CHRM3: variants seen among roughly 807,000 people sequenced by gnomAD.
The protein encoded by CHRM3 is cholinergic receptor muscarinic 3.
In CHRM3, 11 loss-of-function variants were observed where a neutral mutation model predicts 41.8. The observed-to-expected ratio is 0.26, with a 90% CI of 0.17 to 0.44. The LOEUF is 0.44. CHRM3 is among the 20% of genes least tolerant of loss of function. CHRM3 has a pLI of 1.00. For synonymous variants in CHRM3, 297 were observed against 301.4 expected, an observed-to-expected ratio of 0.99 and a Z score of 0.15; for missense variants, 571 against 745.4, an observed-to-expected ratio of 0.77 and a Z score of 2.72.
rs546161625 is a variant in CHRM3 at position 239,782,852 on chromosome 1, C to T, written c.-146-44400C>T. ...TCAAAATATTCCAAATTTCTTTTTG[C>T]GATTTCTTCTTTGACACATATATTA... On this transcript the variant is annotated intron_variant, in intron 5 of 6. Transcript: ENST00000676153. Among the ~76,000 whole-genome samples the T allele has an allele frequency of 3.3e-5, 5 of 152,116 alleles. No individual in the cohort carries two copies. In the East Asian group the frequency reaches 9.7e-4, roughly 29 times the overall value.
chr1:239,387,725 G>A lies in CHRM3; in HGVS notation c.-521+498G>A, dbSNP rs1033681446. 1.3e-5 allele frequency among the ~76,000 whole-genome samples: 2 copies of A among 152,144 alleles called. No individual in the cohort carries two copies. Among genetic ancestry groups the A allele is most frequent in the Non-Finnish European group, 2.9e-5 (2 of 68,034 alleles). On this transcript the variant is annotated intron_variant, in intron 1 of 6. Coordinates refer to ENST00000676153, the MANE Select transcript of CHRM3 (RefSeq NM_001375978.1). The surrounding 1 kb of genome is among the most constrained non-coding windows in gnomAD (Gnocchi z 5.1). ...TTGGTTTCCTGTCATTTCTAAGAAG[G>A]CTAAAGCTGGCACCCGCCAACCTCG...
At chr1:239,876,586 A>G (rs546533413) in intron 6 of CHRM3, among the ~76,000 whole-genome samples, 4 of 152,158 alleles carry the variant, frequency 2.6e-5, no homozygotes, top group Admixed American at 6.5e-5. Flanking sequence ...ATAGATATAC[A>G]TCTCCACTGT....
chr1:239,896,745 T>C, intron 6 of CHRM3, among the ~76,000 whole-genome samples: 1 of 152,184 alleles, frequency 6.6e-6, no homozygotes, highest in East Asian at 1.9e-4. Context: ...TTTATCAGCA[T>C]TGATAGCGTC....
chr1:239,817,819 C>T (rs1437009910), intron 5 of CHRM3, among the ~76,000 whole-genome samples: 3 of 152,128 alleles, frequency 2.0e-5, no homozygotes, highest in African/African-American at 7.2e-5. Flanking sequence ...GTCCACCACC[C>T]TCTCACCCTC....
At chr1:239,834,530 A>T (rs1673158979) in intron 6 of CHRM3, among the ~76,000 whole-genome samples, 1 of 152,122 alleles carries the variant, frequency 6.6e-6, no homozygotes, top group Non-Finnish European at 1.5e-5. Context: ...TCCCGAAAGC[A>T]TTCTACACTT....
intron 3 of CHRM3, among the ~76,000 whole-genome samples, chr1:239,590,078 G>GT (rs1398754312): frequency 7.9e-5 from 12 of 152,098 alleles, no homozygotes; most frequent in Admixed American, 5.2e-4. Flanking sequence ...AATCGTGGCT[G>GT]TGATGGATCC....
chr1:239,800,462 G>C (rs968758270), intron 5 of CHRM3, among the ~76,000 whole-genome samples: 23 of 152,208 alleles, frequency 1.5e-4, no homozygotes, highest in Non-Finnish European at 3.4e-4. Context: ...AATCAAAGCA[G>C]GTTAGCACCA....
At chr1:239,536,897 A>G (rs758901852) in intron 2 of CHRM3, among the ~76,000 whole-genome samples, 10 of 152,168 alleles carry the variant, frequency 6.6e-5, no homozygotes, top group Non-Finnish European at 1.2e-4. Flanking sequence ...GCAACTGTTG[A>G]TGTATACTGA....
At chr1:239,478,971 C>T (rs1038468794) in intron 1 of CHRM3, among the ~76,000 whole-genome samples, 1 of 152,050 alleles carries the variant, frequency 6.6e-6, no homozygotes. Flanking sequence ...TCACTTGAGC[C>T]TAGGCATTTG....
chr1:239,891,410 C>T (rs562534769), intron 6 of CHRM3, among the ~76,000 whole-genome samples: 14 of 151,982 alleles, frequency 9.2e-5, no homozygotes, highest in Admixed American at 2.6e-4. Context: ...TGAAAAATGA[C>T]GAGGTTCATG....
intron 3 of CHRM3, among the ~76,000 whole-genome samples, chr1:239,582,842 C>T (rs577056354): frequency 6.6e-6 from 1 of 152,272 alleles, no homozygotes; most frequent in East Asian, 1.9e-4. Flanking sequence ...GCTCAGAACT[C>T]TCCAGTGTCT....
At chr1:239,845,144 A>G (rs1288326980) in intron 6 of CHRM3, among the ~76,000 whole-genome samples, 1 of 152,204 alleles carries the variant, frequency 6.6e-6, no homozygotes, top group African/African-American at 2.4e-5. Context: ...AACAATGTAA[A>G]AAAGTTACAC....
At chr1:239,603,825 G>A (rs1665907671) in intron 3 of CHRM3, among the ~76,000 whole-genome samples, 1 of 152,080 alleles carries the variant, frequency 6.6e-6, no homozygotes, top group Admixed American at 6.6e-5. Context: ...CTTGCATTAA[G>A]TTCTGTTTGT....
intron 4 of CHRM3, among the ~76,000 whole-genome samples, chr1:239,638,793 T>C (rs1670772224): frequency 1.3e-5 from 2 of 152,190 alleles, no homozygotes; most frequent in African/African-American, 4.8e-5. Flanking sequence ...CAATTTTGGC[T>C]TTTGTTGCCA....
In CHRM3 at chr1:239,545,708, A is replaced by G. The variant is rs1659222651; in HGVS notation, c.-354A>G. 6.6e-6 allele frequency: 1 copy of G among 152,152 alleles called. No individual in the cohort carries two copies. The highest frequency in any genetic ancestry group is 6.6e-5 in the Admixed American group (1 of 15,264). The allele number at this position is 152,152 out of a possible 1,614,324, so 9.4% of individuals were successfully genotyped here. A position where few individuals can be genotyped will look rare whatever the true frequency, so the allele number is the denominator to read the frequency against. ...GAGGACTGTGGATTGAATGAACTGT[A>G]TCCATCCCCATCATGATGTACAGAA... is the stretch of plus-strand genomic sequence containing the variant. On this transcript the variant is annotated 5_prime_UTR_variant, in exon 3 of 7. Transcript: ENST00000676153.
chr1:239,689,654 C>T (rs1285889405), intron 5 of CHRM3, among the ~76,000 whole-genome samples: 1 of 152,194 alleles, frequency 6.6e-6, no homozygotes, highest in East Asian at 1.9e-4. Flanking sequence ...ATCCTAACAG[C>T]GGGATATCTA....
At chr1:239,793,118 A>G (rs1318600473) in intron 5 of CHRM3, among the ~76,000 whole-genome samples, 1 of 152,214 alleles carries the variant, frequency 6.6e-6, no homozygotes, top group Non-Finnish European at 1.5e-5. Flanking sequence ...GATACGAATT[A>G]TTGAACATCA....
chr1:239,702,334 C>A, intron 5 of CHRM3, among the ~76,000 whole-genome samples: 1 of 152,116 alleles, frequency 6.6e-6, no homozygotes, highest in East Asian at 1.9e-4. Context: ...GGATTCAGTT[C>A]TGGCATTTAT....
At chr1:239,441,388 T>A (rs925144463) in intron 1 of CHRM3, among the ~76,000 whole-genome samples, 2 of 152,236 alleles carry the variant, frequency 1.3e-5, no homozygotes, top group African/African-American at 4.8e-5. Flanking sequence ...CTAAGATGTT[T>A]TAATATCTTT....
Sources: gnomAD v4.1 joint callset for allele counts (sites outside exome capture counted in the v4.1 genomes callset) on GRCh38, gnomAD v4.1.1 for gene constraint, Gnocchi (gnomAD v3.1) non-coding constraint, MANE v1.5 for transcripts, NCBI Gene and HGNC (gene_info 2026-07-23, HGNC 2026-07-21) for gene names.